TMEM132E: variants seen among roughly 807,000 people sequenced by gnomAD.
TMEM132E encodes the protein transmembrane protein 132E.
TMEM132E carries 49 observed loss-of-function variants against 78.5 expected under a neutral mutation model. The observed-to-expected ratio is 0.62, with a 90% CI of 0.50 to 0.79. The LOEUF (loss-of-function observed/expected upper bound fraction) is 0.79, where lower values mean the gene tolerates loss of function less well. Among genes scored for constraint, TMEM132E ranks in the 30% least tolerant of loss-of-function variants. The pLI, the probability that TMEM132E is intolerant of heterozygous loss-of-function variation, is 0.00. For synonymous variants in TMEM132E, 715 were observed against 670.6 expected (o/e 1.07, Z -1.02); for missense variants, 1,403 against 1,470.9 (o/e 0.95, Z 0.75).
rs1320240590 is a variant in TMEM132E, at chr17:34,638,976, G to C, written c.*744G>C. The C allele has an allele frequency of 1.3e-5, 2 of 152,610 alleles. No homozygotes were observed. The highest frequency in any genetic ancestry group is 2.9e-5 in the Non-Finnish European group (2 of 68,124). 9.5% of individuals were successfully genotyped at this position (152,610 alleles called of 1,614,324 possible). Reference sequence around the variant, plus strand: ...CTAGCCAAATCACACCCCAGAGCCAGAGGCCTGGGGACCTCCTTGCCTTCC... The same window carrying C: ...CTAGCCAAATCACACCCCAGAGCCACAGGCCTGGGGACCTCCTTGCCTTCC... On this transcript the variant is annotated 3_prime_UTR_variant, in exon 9 of 9. Coordinates refer to ENST00000631683, the MANE Select transcript of TMEM132E (RefSeq NM_001304438.2).
chr17:34,580,024 A>C lies in TMEM132E; in HGVS notation c.-1053A>C, dbSNP rs899100492. On this transcript the variant is annotated 5_prime_UTR_variant, in exon 1 of 9. Coordinates refer to ENST00000631683, the MANE Select transcript of TMEM132E (RefSeq NM_001304438.2). ...CCCCAGAAAAGTTCAAGGTTTGTGC[A>C]GGTTCCCCCAGGGAAGGCGAGGAGC... The C allele has an allele frequency of 6.6e-6, 1 of 152,350 alleles. No homozygotes were observed. Among genetic ancestry groups the C allele is most frequent in the Non-Finnish European group, 1.5e-5 (1 of 68,136 alleles). The allele number at this position is 152,350 out of a possible 1,614,324, so 9.4% of individuals were successfully genotyped here. A position where few individuals can be genotyped will look rare whatever the true frequency, so the allele number is the denominator to read the frequency against.
intron 1 of TMEM132E, among the ~76,000 whole-genome samples, chr17:34,599,505 G>A (rs769012273): frequency 5.9e-5 from 9 of 152,332 alleles, no homozygotes; most frequent in Admixed American, 1.3e-4. Flanking sequence ...AGCAGTGGGT[G>A]GAGGGGAGAG....
intron 1 of TMEM132E, among the ~76,000 whole-genome samples, chr17:34,625,916 C>T (rs2142078620): frequency 6.6e-6 from 1 of 152,328 alleles, no homozygotes; most frequent in Middle Eastern, 3.4e-3. Flanking sequence ...AATTCACATA[C>T]CAGCAAAGGG....
rs573248903 is a variant in TMEM132E, at chr17:34,596,046, T to TCA, written c.67+14923_67+14924dup. Among the ~76,000 whole-genome samples, 186 of 71,466 alleles carry TCA rather than the reference T, an allele frequency of 2.6e-3. 1 individual carries two copies. Among genetic ancestry groups the TCA allele is most frequent in the South Asian group, 0.011 (26 of 2,304 alleles). 46.9% of individuals were successfully genotyped at this position (71,466 alleles called of 152,430 possible). ...CCTCTCTCCCTCTCACGTCTCTCTG[T>TCA]CACACACACACACACACACACGCAC... is the stretch of plus-strand genomic sequence containing the variant. On this transcript the variant is annotated intron_variant, in intron 1 of 8. Coordinates refer to ENST00000631683, the MANE Select transcript of TMEM132E (RefSeq NM_001304438.2).
At chr17:34,622,336 G>A (rs1267944065) in intron 1 of TMEM132E, among the ~76,000 whole-genome samples, 1 of 152,188 alleles carries the variant, frequency 6.6e-6, no homozygotes, top group Non-Finnish European at 1.5e-5. Flanking sequence ...TTAGGTCTCA[G>A]GGACCCACCC....
At chr17:34,623,369 G>T (rs2142076602) in intron 1 of TMEM132E, among the ~76,000 whole-genome samples, 1 of 150,896 alleles carries the variant, frequency 6.6e-6, no homozygotes, top group Non-Finnish European at 1.5e-5. Context: ...GGTCTCCAGG[G>T]GATGGATAAC....
At chr17:34,590,822 A>C (rs1196308663) in intron 1 of TMEM132E, among the ~76,000 whole-genome samples, 9 of 152,170 alleles carry the variant, frequency 5.9e-5, no homozygotes, top group South Asian at 2.1e-4. Context: ...GACATCATCA[A>C]AGCAGGGTTC....
At position 34,638,559 on chromosome 17, in the gene TMEM132E, G is replaced by A. The variant is rs761087336; in HGVS notation, c.*327G>A. On this transcript the variant is annotated 3_prime_UTR_variant, in exon 9 of 9. Coordinates refer to ENST00000631683, the MANE Select transcript of TMEM132E (RefSeq NM_001304438.2). ...CCTGCCCCAAGAGTGAGGCAAGGAG[G>A]TCCAGCTTGGGGTCAGGTGGGCCCA... The A allele has an allele frequency of 3.8e-6, 1 of 264,336 alleles. No individual in the cohort carries two copies. Among genetic ancestry groups the A allele is most frequent in the Non-Finnish European group, 7.1e-6 (1 of 140,396 alleles). 16.4% of individuals were successfully genotyped at this position (264,336 alleles called of 1,614,324 possible). A position where few individuals can be genotyped will look rare whatever the true frequency, so the allele number is the denominator to read the frequency against.
intron 1 of TMEM132E, among the ~76,000 whole-genome samples, chr17:34,587,130 G>C (rs1435380933): frequency 6.6e-6 from 1 of 152,172 alleles, no homozygotes; most frequent in African/African-American, 2.4e-5. Context: ...GGATGGATAG[G>C]ATGACTCCTA....
chr17:34,614,327 A>G (rs1906707574), intron 1 of TMEM132E: 1 of 152,304 alleles, frequency 6.6e-6, no homozygotes, highest in African/African-American at 2.4e-5. Flanking sequence ...TTTCCATCAC[A>G]AAAGGGACCT....
intron 6 of TMEM132E, among the ~76,000 whole-genome samples, chr17:34,634,577 G>A (rs1907451817): frequency 6.6e-6 from 1 of 152,252 alleles, no homozygotes. Flanking sequence ...AAGAGGCAGA[G>A]AGGGACAGGA....
At position 34,628,444 on chromosome 17, in the gene TMEM132E, G is replaced by A. The variant is rs56245017; in HGVS notation, c.999-119G>A. ...CATTCATCTGAAACATCCAGGACTC[G>A]GGGTAACTTAGCTTATCTGTTCCCC... On this transcript the variant is annotated intron_variant, in intron 2 of 8. Transcript: ENST00000631683. The A allele has an allele frequency of 0.15, 181,467 of 1,186,776 alleles. 16,012 individuals carry two copies. Among genetic ancestry groups the A allele is most frequent in the East Asian group, 0.38 (12,773 of 34,022 alleles). 73.5% of individuals were successfully genotyped at this position (1,186,776 alleles called of 1,614,324 possible).
At chr17:34,603,126 G>A (rs1906292726) in intron 1 of TMEM132E, among the ~76,000 whole-genome samples, 3 of 152,176 alleles carry the variant, frequency 2.0e-5, no homozygotes, top group African/African-American at 7.2e-5. Context: ...GCTGCATCTA[G>A]GCTGACAGAA....
chr17:34,635,987 C>CA lies in TMEM132E; in HGVS notation c.1978-20_1978-19insA. On this transcript the variant is annotated intron_variant, in intron 7 of 8. Transcript: ENST00000631683. ...TGTGCTTTCCTGGTTCTCTCCCACC[C>CA]CGGTCCCGCTCTGCCTCAGGTGGTG... The CA allele has an allele frequency of 7.2e-7, 1 of 1,391,976 alleles. No homozygotes were observed. The highest frequency in any genetic ancestry group is 9.4e-7 in the Non-Finnish European group (1 of 1,065,842). The allele number at this position is 1,391,976 out of a possible 1,614,324, so 86.2% of individuals were successfully genotyped here.
In TMEM132E at chr17:34,637,589, G is replaced by A. The variant is rs1040388292; in HGVS notation, c.2582G>A (p.Ser861Asn). The change falls in exon 9 of 9, where the codon AGC becomes AAC. Residue 861 changes from serine (S) to asparagine (N), a missense_variant. Ser to Asn is a conservative substitution (Grantham distance 46). Transcript: ENST00000631683. The stretch of plus-strand genomic sequence containing the variant: ...GAGGCTCCAGGCCCGGGCACCGCCA[G>A]CCCCGTCGTGCCACCCACAGAAGAC... ...APEAPGPGTA[S>N]PVVPPTEDFL... 8 of 1,600,620 alleles carry A rather than the reference G, an allele frequency of 5.0e-6. No homozygotes were observed. In the African/African-American group the frequency reaches 9.3e-5, roughly 19 times the overall value.
chr17:34,591,188 G>T (rs1343263925), intron 1 of TMEM132E, among the ~76,000 whole-genome samples: 1 of 152,150 alleles, frequency 6.6e-6, no homozygotes, highest in Non-Finnish European at 1.5e-5. Flanking sequence ...GGACATGCCT[G>T]TGACTTCACA....
At chr17:34,623,881 C>T (rs1190188871) in intron 1 of TMEM132E, among the ~76,000 whole-genome samples, 2 of 152,180 alleles carry the variant, frequency 1.3e-5, no homozygotes. Context: ...AGGCACCAGC[C>T]AGAAAAGCTC....
intron 1 of TMEM132E, among the ~76,000 whole-genome samples, chr17:34,586,713 A>G (rs1013906632): frequency 2.0e-5 from 3 of 152,146 alleles, no homozygotes; most frequent in Admixed American, 2.0e-4. Context: ...CTAGCAGACA[A>G]CCCAGCAAGA....
At position 34,637,603 on chromosome 17, in the gene TMEM132E, C is replaced by A. The variant is rs139925896; in HGVS notation, c.2596C>A (p.Pro866Thr). 17 of 1,602,596 alleles carry A rather than the reference C, an allele frequency of 1.1e-5. No individual in the cohort carries two copies. Among genetic ancestry groups the A allele is most frequent in the Non-Finnish European group, 1.4e-5 (17 of 1,177,746 alleles). Residue 866 changes from proline (P) to threonine (T), a missense_variant, in exon 9 of 9, where the codon CCC becomes ACC. Transcript: ENST00000631683. ...GGGCACCGCCAGCCCCGTCGTGCCA[C>A]CCACAGAAGACTTCCTGCCGCTGCC... ...GPGTASPVVP[P>T]TEDFLPLPTG...
Sources: gnomAD v4.1 joint callset for allele counts (sites outside exome capture counted in the v4.1 genomes callset) on GRCh38, gnomAD v4.1.1 for gene constraint, MANE v1.5 for transcripts, NCBI Gene and HGNC (gene_info 2026-07-23, HGNC 2026-07-21) for gene names.